The following LMBR1 variants were observed in gnomAD, a reference collection of about 807,000 sequenced individuals.
LMBR1 encodes the protein limb development membrane protein 1, also known as limb region 1 protein homolog.
Under a neutral mutation model 73.9 loss-of-function variants are expected in LMBR1, and 52 were observed. That is an observed-to-expected ratio of 0.70 (90% CI 0.56 to 0.89). The LOEUF is 0.89. Ranked by LOEUF, LMBR1 falls within the 40% of genes least tolerant of loss-of-function variation. The pLI is 0.00. For synonymous variants in LMBR1, 215 were observed against 209.4 expected (o/e 1.03, Z -0.23); for missense variants, 539 against 579.8 (o/e 0.93, Z 0.72).
chr7:156,866,980 G>A (rs1247981580), intron 1 of LMBR1, among the ~76,000 whole-genome samples: 1 of 152,110 alleles, frequency 6.6e-6, no homozygotes, highest in East Asian at 1.9e-4. Flanking sequence ...ATGACCTCCC[G>A]GTTCCACTTT....
intron 1 of LMBR1, among the ~76,000 whole-genome samples, chr7:156,862,797 G>A (rs887495019): frequency 6.6e-6 from 1 of 152,140 alleles, no homozygotes; most frequent in Non-Finnish European, 1.5e-5. Context: ...TTAGTAATAG[G>A]GAATTTCTTC....
rs531218702 is a variant in LMBR1 at position 156,801,537 on chromosome 7, T to C, written c.320-5045A>G. Among the ~76,000 whole-genome samples the C allele has an allele frequency of 1.3e-4, 20 of 152,282 alleles. No homozygotes were observed. In the South Asian group the frequency reaches 3.3e-3, roughly 25 times the overall value. ...GCCTGTCACTGTTAGGTATGTAACA[T>C]AGTAGGCATTGTTCTGGATACGTTA... On this transcript the variant is annotated intron_variant, in intron 4 of 16. Transcript: ENST00000353442.
intron 14 of LMBR1, among the ~76,000 whole-genome samples, chr7:156,724,798 G>C (rs909033680): frequency 6.7e-6 from 1 of 150,046 alleles, no homozygotes; most frequent in Non-Finnish European, 1.5e-5. Context: ...GTGTGTGTGT[G>C]TGTGTGTGTA....
In LMBR1 at chr7:156,684,086, C is replaced by T; in HGVS notation, c.1465G>A (p.Ala489Thr). 6.2e-7 allele frequency: 1 copy of T among 1,613,712 alleles called. No homozygotes were observed. Among genetic ancestry groups the T allele is most frequent in the African/African-American group, 1.3e-5 (1 of 75,026 alleles). Reference sequence around the variant, plus strand: ...GACGCCGTCTGTGCGTCTCACAGTGCTTTCTGATGCCCATTTACAGAAGGC... The same window carrying T: ...GACGCCGTCTGTGCGTCTCACAGTGTTTTCTGATGCCCATTTACAGAAGGC... Reference protein sequence around the residue: ...AKPSVNGHQKAL With the variant: ...AKPSVNGHQKTL The change falls in exon 17 of 17, where the codon GCA becomes ACA. Residue 489 changes from alanine to threonine, a missense_variant. Ala to Thr is a moderately conservative substitution (Grantham distance 58). This residue lies in a region of LMBR1 where 69 missense variants were observed against 68.5 expected (regional missense o/e 1.01). Transcript: ENST00000353442.
At chr7:156,768,481 G>C (rs1021574675) in intron 5 of LMBR1, among the ~76,000 whole-genome samples, 1 of 152,144 alleles carries the variant, frequency 6.6e-6, no homozygotes, top group African/African-American at 2.4e-5. Flanking sequence ...AAATTCCTAA[G>C]TATGCCTCCA....
At chr7:156,706,368 T>G (rs936202656) in intron 15 of LMBR1, among the ~76,000 whole-genome samples, 2 of 151,852 alleles carry the variant, frequency 1.3e-5, no homozygotes, top group African/African-American at 4.8e-5. Context: ...AGAAAAAAAA[T>G]CAGCAAAGAA....
At chr7:156,857,228 ATACT>A (rs1256621205) in intron 1 of LMBR1, among the ~76,000 whole-genome samples, 1 of 152,236 alleles carries the variant, frequency 6.6e-6, no homozygotes, top group Non-Finnish European at 1.5e-5. Flanking sequence ...TGGATAAAAA[ATACT>A]TAACTATATG....
chr7:156,733,366 C>T (rs1817232427), intron 10 of LMBR1, among the ~76,000 whole-genome samples: 1 of 151,914 alleles, frequency 6.6e-6, no homozygotes, highest in Non-Finnish European at 1.5e-5. Context: ...CAGACAAAAA[C>T]ATTGTAAGTG....
intron 4 of LMBR1, among the ~76,000 whole-genome samples, chr7:156,804,207 T>C (rs929632850): frequency 5.3e-5 from 8 of 152,218 alleles, no homozygotes; most frequent in Admixed American, 2.6e-4. Context: ...GATTGTGTGA[T>C]ATATACTCTT....
chr7:156,808,077 G>T (rs2133562758), intron 4 of LMBR1, among the ~76,000 whole-genome samples: 1 of 152,082 alleles, frequency 6.6e-6, no homozygotes, highest in East Asian at 1.9e-4. Flanking sequence ...TACTGGAAAA[G>T]AATATGTATT....
At chr7:156,702,599 C>T (rs538919251) in intron 15 of LMBR1, among the ~76,000 whole-genome samples, 9 of 152,146 alleles carry the variant, frequency 5.9e-5, no homozygotes, top group African/African-American at 1.9e-4. Context: ...CTTTTGCTGA[C>T]ACAACCAATT....
intron 9 of LMBR1, among the ~76,000 whole-genome samples, chr7:156,749,396 C>T (rs1048556066): frequency 6.6e-6 from 1 of 152,166 alleles, no homozygotes; most frequent in African/African-American, 2.4e-5. Context: ...AGCAACTGCT[C>T]TAAAAAAGCA....
chr7:156,732,070 TG>T (rs1185698528), intron 10 of LMBR1, among the ~76,000 whole-genome samples: 1 of 151,898 alleles, frequency 6.6e-6, no homozygotes, highest in Non-Finnish European at 1.5e-5. Context: ...TTAACAGAAA[TG>T]AAAATAAATG....
At chr7:156,777,256 G>A (rs1050324116) in intron 5 of LMBR1, among the ~76,000 whole-genome samples, 4 of 152,112 alleles carry the variant, frequency 2.6e-5, no homozygotes, top group African/African-American at 9.7e-5. Context: ...TTTTTAAAAT[G>A]TTTTCCTTTC....
chr7:156,803,814 T>C (rs986844252), intron 4 of LMBR1, among the ~76,000 whole-genome samples: 2 of 151,448 alleles, frequency 1.3e-5, no homozygotes, highest in Non-Finnish European at 2.9e-5. Flanking sequence ...TATGCAGCCA[T>C]AAAAAAGGAT....
intron 1 of LMBR1, among the ~76,000 whole-genome samples, chr7:156,856,509 C>T (rs1345614892): frequency 1.3e-5 from 2 of 151,616 alleles, no homozygotes; most frequent in Non-Finnish European, 2.9e-5. Flanking sequence ...TCACTTGGGC[C>T]CAGGAGATTG....
chr7:156,766,815 C>A (rs1585655573), intron 5 of LMBR1, among the ~76,000 whole-genome samples: 1 of 152,120 alleles, frequency 6.6e-6, no homozygotes, highest in South Asian at 2.1e-4. Context: ...TCCCTCTCCT[C>A]TGAGCGGAAG....
At chr7:156,729,350 G>A (rs1816392236) in intron 10 of LMBR1, among the ~76,000 whole-genome samples, 1 of 151,856 alleles carries the variant, frequency 6.6e-6, no homozygotes, top group African/African-American at 2.4e-5. Flanking sequence ...GGTACCCATG[G>A]GGGTTCTGAA....
intron 5 of LMBR1, among the ~76,000 whole-genome samples, chr7:156,785,461 A>C (rs1827899426): frequency 6.6e-6 from 1 of 152,190 alleles, no homozygotes; most frequent in African/African-American, 2.4e-5. Flanking sequence ...AGGAGAGGTA[A>C]ACACTAAGAA....
Sources: allele counts gnomAD v4.1 joint callset (sites outside exome capture counted in the v4.1 genomes callset), GRCh38; gene constraint gnomAD v4.1.1; regional missense constraint gnomAD v4.1.1; transcripts MANE v1.5; gene names NCBI Gene and HGNC (gene_info 2026-07-23, HGNC 2026-07-21).